Variants in HTR2C observed in about 807,000 individuals in gnomAD.
The protein encoded by HTR2C is 5-hydroxytryptamine (serotonin) receptor 2C, G protein-coupled.
HTR2C carries 5 observed loss-of-function variants against 21.0 expected under a neutral mutation model. That is an observed-to-expected ratio of 0.24 (90% CI 0.12 to 0.50). The LOEUF (loss-of-function observed/expected upper bound fraction) is 0.50. Ranked by LOEUF, HTR2C falls within the 20% of genes least tolerant of loss-of-function variation. HTR2C has a pLI of 0.98. For synonymous variants in HTR2C, 150 were observed against 145.3 expected, an observed-to-expected ratio of 1.03 and a Z score of -0.23; for missense variants, 271 against 371.2, an observed-to-expected ratio of 0.73 and a Z score of 2.22.
intron 5 of HTR2C, among the ~76,000 whole-genome samples, chrX:114,865,462 T>A (rs966626146): frequency 8.9e-6 from 1 of 111,820 alleles, no homozygotes; most frequent in Admixed American, 9.5e-5. Flanking sequence ...TACCATAATT[T>A]TCCAAAGTGA....
At chrX:114,594,601 A>G (rs17096098) in intron 1 of HTR2C, among the ~76,000 whole-genome samples, 2,309 of 111,544 alleles carry the variant, frequency 0.021, 63 homozygotes, top group African/African-American at 0.071. Context: ...GGAGATACTT[A>G]TACTTTCTAG....
intron 2 of HTR2C, among the ~76,000 whole-genome samples, chrX:114,640,470 C>G (rs1930055610): frequency 8.9e-6 from 1 of 111,894 alleles, no homozygotes; most frequent in Admixed American, 9.5e-5. Context: ...ATTTGCCACA[C>G]TGCAGGTAGA....
In HTR2C at chrX:114,837,898, A is replaced by T. The variant is rs781812328; in HGVS notation, c.350-10105A>T. On this transcript the variant is annotated intron_variant, in intron 4 of 5. Coordinates refer to ENST00000276198, the MANE Select transcript of HTR2C (RefSeq NM_000868.4). ...TATTGCTATTTATAATATTTGTTGT[A>T]GGTTCTTAGTAAGTTATCTTTATCA... is the stretch of plus-strand genomic sequence containing the variant. Among the ~76,000 whole-genome samples the T allele has an allele frequency of 3.6e-5, 4 of 111,433 alleles. No homozygotes were observed. The East Asian group carries it at 1.1e-3, about 31-fold the overall frequency.
chrX:114,830,722 T>C (rs782277358), intron 4 of HTR2C, among the ~76,000 whole-genome samples: 84 of 107,927 alleles, frequency 7.8e-4, no homozygotes, highest in Non-Finnish European at 1.3e-3. Flanking sequence ...ATACTTTAAG[T>C]TTTAGTGTAC....
intron 4 of HTR2C, among the ~76,000 whole-genome samples, chrX:114,811,173 C>A (rs1556452642): frequency 9.0e-6 from 1 of 111,385 alleles, no homozygotes; most frequent in African/African-American, 3.3e-5. Context: ...TTGCTATCAC[C>A]TGTCACTCTT....
At chrX:114,705,347 C>T (rs181321882) in intron 2 of HTR2C, among the ~76,000 whole-genome samples, 1,237 of 111,049 alleles carry the variant, frequency 0.011, 14 homozygotes, top group African/African-American at 0.038. Context: ...ATGGTACTGG[C>T]ACCAAAACAG....
At position 114,756,775 on chromosome X, in the gene HTR2C, A is replaced by G. The variant is rs1164113406; in HGVS notation, c.349+25168A>G. On this transcript the variant is annotated intron_variant, in intron 4 of 5. Coordinates refer to ENST00000276198, the MANE Select transcript of HTR2C (RefSeq NM_000868.4). ...TGCCATCTTGGCTATATCAATGTCA[A>G]TATCTTGGTTGTGCTATTTTATTAT... Among the ~76,000 whole-genome samples, 6 of 111,817 alleles carry G rather than the reference A, an allele frequency of 5.4e-5. No homozygotes were observed. The Admixed American group carries it at 5.7e-4, about 11-fold the overall frequency.
chrX:114,762,345 C>T (rs1014866976), intron 4 of HTR2C, among the ~76,000 whole-genome samples: 8 of 110,715 alleles, frequency 7.2e-5, no homozygotes, highest in African/African-American at 2.6e-4. Flanking sequence ...TTCAAGGATT[C>T]CATCAAAAGT....
At chrX:114,702,130 C>G (rs781885324) in intron 2 of HTR2C, among the ~76,000 whole-genome samples, 5 of 111,413 alleles carry the variant, frequency 4.5e-5, no homozygotes, top group Non-Finnish European at 7.6e-5. Context: ...AGTTGGAAAA[C>G]ACTCTGCAGG....
intron 2 of HTR2C, chrX:114,652,600 A>G: frequency 2.9e-6 from 1 of 348,785 alleles, no homozygotes; most frequent in Non-Finnish European, 5.7e-6. Context: ...ATAGTTTTAA[A>G]GAAAATATCA....
At chrX:114,778,772 C>T (rs1007982960) in intron 4 of HTR2C, among the ~76,000 whole-genome samples, 8 of 111,230 alleles carry the variant, frequency 7.2e-5, no homozygotes, top group African/African-American at 1.3e-4. Context: ...TAGATAAAGC[C>T]TCATCTGTAA....
chrX:114,782,886 CACAA>C (rs2070134412), intron 4 of HTR2C, among the ~76,000 whole-genome samples: 1 of 111,235 alleles, frequency 9.0e-6, no homozygotes, highest in Non-Finnish European at 1.9e-5. Flanking sequence ...CACACACACA[CACAA>C]ACACACATTA....
intron 4 of HTR2C, among the ~76,000 whole-genome samples, chrX:114,806,479 GTA>G (rs1480091794): frequency 2.8e-4 from 1 of 3,623 alleles, no homozygotes; most frequent in Non-Finnish European, 1.2e-3. Flanking sequence ...TATATATACT[GTA>G]TATATATACA....
chrX:114,906,264 G>A (rs782378127), intron 5 of HTR2C, among the ~76,000 whole-genome samples: 1 of 111,909 alleles, frequency 8.9e-6, no homozygotes, highest in African/African-American at 3.2e-5. Context: ...GAGCCAGGAC[G>A]ATTCTTGGAA....
chrX:114,839,051 T>G (rs1414121718), intron 4 of HTR2C, among the ~76,000 whole-genome samples: 2 of 112,372 alleles, frequency 1.8e-5, no homozygotes, highest in African/African-American at 6.5e-5. Context: ...AGGAAAATGA[T>G]GAACAATAAT....
intron 5 of HTR2C, among the ~76,000 whole-genome samples, chrX:114,863,217 G>GA (rs1459069715): frequency 1.8e-5 from 2 of 111,283 alleles, no homozygotes; most frequent in Non-Finnish European, 3.8e-5. Flanking sequence ...CCAGCAATGG[G>GA]AATGCTGGAT....
At chrX:114,756,123 AAC>A (rs199772735) in intron 4 of HTR2C, among the ~76,000 whole-genome samples, 1 of 38,860 alleles carries the variant, frequency 2.6e-5, no homozygotes, top group Non-Finnish European at 7.0e-5. Context: ...AACCATACAA[AAC>A]AACCCCCCCC....
intron 4 of HTR2C, among the ~76,000 whole-genome samples, chrX:114,745,543 A>T (rs953524864): frequency 8.9e-6 from 1 of 112,264 alleles, no homozygotes; most frequent in African/African-American, 3.2e-5. Flanking sequence ...CAAGGTTTGG[A>T]AGCAACCTAA....
chrX:114,665,467 A>G (rs1931143157), intron 2 of HTR2C, among the ~76,000 whole-genome samples: 1 of 111,994 alleles, frequency 8.9e-6, no homozygotes, highest in South Asian at 3.7e-4. Context: ...AACCCTGTGC[A>G]GTTGAAAATC....
Sources: gnomAD v4.1 joint callset for allele counts (sites outside exome capture counted in the v4.1 genomes callset) on GRCh38, gnomAD v4.1.1 for gene constraint, MANE v1.5 for transcripts, NCBI Gene and HGNC (gene_info 2026-07-23, HGNC 2026-07-21) for gene names.